The following ARID1B variants were observed in gnomAD, a reference collection of about 807,000 sequenced individuals.
ARID1B encodes the protein AT-rich interaction domain 1B, also known as AT-rich interactive domain-containing protein 1B.
ARID1B carries 30 observed loss-of-function variants against 212.3 expected under a neutral mutation model. The observed-to-expected ratio is 0.14, with a 90% confidence interval of 0.11 to 0.19. The LOEUF is 0.19. ARID1B is among the 10% of genes least tolerant of loss of function. ARID1B has a pLI of 1.00. For missense variants in ARID1B, 2,891 were observed against 3,204.0 expected (o/e 0.90, Z 2.36); for synonymous variants, 1,402 against 1,301.7 (o/e 1.08, Z -1.66).
chr6:156,900,623 T>C (rs1433965112), intron 2 of ARID1B, among the ~76,000 whole-genome samples: 1 of 152,212 alleles, frequency 6.6e-6, no homozygotes, highest in Non-Finnish European at 1.5e-5. Flanking sequence ...AGGCAATAGA[T>C]TTCTCATTAA....
intron 2 of ARID1B, among the ~76,000 whole-genome samples, chr6:156,855,676 A>G (rs1784865523): frequency 6.6e-6 from 1 of 152,242 alleles, no homozygotes; most frequent in Admixed American, 6.5e-5. Context: ...AAAGCAGTTC[A>G]TCATTTTGAA....
chr6:157,062,204 GTT>G (rs569892709), intron 4 of ARID1B, among the ~76,000 whole-genome samples: 4 of 143,352 alleles, frequency 2.8e-5, no homozygotes, highest in Non-Finnish European at 1.5e-5. Flanking sequence ...TTGTTTTGTT[GTT>G]TTTTTTTTTT....
intron 5 of ARID1B, among the ~76,000 whole-genome samples, chr6:157,095,369 G>A (rs1210370295): frequency 1.3e-5 from 2 of 152,250 alleles, no homozygotes; most frequent in Non-Finnish European, 2.9e-5. Flanking sequence ...AGCTCTCCAG[G>A]TGGTTATTAT....
At chr6:157,176,179 T>C (rs1190379793) in intron 11 of ARID1B, among the ~76,000 whole-genome samples, 2 of 151,436 alleles carry the variant, frequency 1.3e-5, no homozygotes, top group African/African-American at 4.9e-5. Context: ...ATATTCGCTC[T>C]TACCTTCTCT....
At chr6:157,147,640 C>T (rs1583402297) in intron 7 of ARID1B, among the ~76,000 whole-genome samples, 1 of 124,224 alleles carries the variant, frequency 8.0e-6, no homozygotes, top group Non-Finnish European at 1.6e-5. Flanking sequence ...GTCCCCCACC[C>T]CAGCCTCCGA....
intron 5 of ARID1B, among the ~76,000 whole-genome samples, chr6:157,101,978 C>T (rs1360988699): frequency 6.6e-6 from 1 of 152,138 alleles, no homozygotes; most frequent in Non-Finnish European, 1.5e-5. Context: ...ATGGCCACTA[C>T]AACTTTTGAA....
intron 4 of ARID1B, among the ~76,000 whole-genome samples, chr6:156,974,527 G>A (rs1474575868): frequency 1.3e-5 from 2 of 152,080 alleles, no homozygotes; most frequent in Admixed American, 6.6e-5. Context: ...AAAACATAAC[G>A]CAGAACCAAA....
chr6:156,892,071 T>C lies in ARID1B; in HGVS notation c.1987-9305T>C, dbSNP rs1787985151. 2.1e-5 allele frequency among the ~76,000 whole-genome samples: 3 copies of C among 143,506 alleles called. No homozygotes were observed. The Admixed American group carries it at 2.1e-4, about 10-fold the overall frequency. The allele number at this position is 143,506 out of a possible 152,430, so 94.1% of individuals were successfully genotyped here. A position where few individuals can be genotyped will look rare whatever the true frequency, so the allele number is the denominator to read the frequency against. On this transcript the variant is annotated intron_variant, in intron 2 of 19. Coordinates refer to ENST00000636930, the MANE Select transcript of ARID1B (RefSeq NM_001374828.1). ...TTTTTTTTTTTTTTCTTTTTTTTTTTGTATTTTTAGTAGTGACGGGGTTTC... is the reference window on the plus strand; with the variant it reads ...TTTTTTTTTTTTTTCTTTTTTTTTTCGTATTTTTAGTAGTGACGGGGTTTC...
At chr6:157,109,421 A>ATG (rs1303812465) in intron 5 of ARID1B, among the ~76,000 whole-genome samples, 2 of 151,854 alleles carry the variant, frequency 1.3e-5, no homozygotes, top group Non-Finnish European at 2.9e-5. Context: ...AATGTTCTTT[A>ATG]TGTGTGTGTG....
chr6:156,812,988 ATACG>A (rs1781681310), intron 1 of ARID1B, among the ~76,000 whole-genome samples: 1 of 148,076 alleles, frequency 6.8e-6, no homozygotes, highest in African/African-American at 2.5e-5. Flanking sequence ...ATGTATATAC[ATACG>A]TATGTATATA....
At chr6:157,134,342 C>T (rs1384302963) in intron 7 of ARID1B, among the ~76,000 whole-genome samples, 4 of 152,216 alleles carry the variant, frequency 2.6e-5, no homozygotes, top group Non-Finnish European at 4.4e-5. Context: ...TAAACAGTTT[C>T]AGTGCTACCA....
chr6:156,990,340 T>G (rs1449647836), intron 4 of ARID1B, among the ~76,000 whole-genome samples: 1 of 151,964 alleles, frequency 6.6e-6, no homozygotes, highest in African/African-American at 2.4e-5. Flanking sequence ...ACCGGGCTAA[T>G]TTTTCAAAAC....
At chr6:157,068,690 A>G (rs7751621) in intron 4 of ARID1B, among the ~76,000 whole-genome samples, 35,356 of 152,162 alleles carry the variant, frequency 0.23, 4,433 homozygotes, top group African/African-American at 0.32. Context: ...AGATCATCAT[A>G]TGCTTACATA....
At chr6:156,958,308 C>A (rs1370685739) in intron 4 of ARID1B, among the ~76,000 whole-genome samples, 2 of 152,176 alleles carry the variant, frequency 1.3e-5, no homozygotes, top group African/African-American at 2.4e-5. Flanking sequence ...AAGAAAAACA[C>A]TAGGAATGAG....
Position 156,777,762 on chromosome 6 carries a change from C to T in ARID1B, c.82C>T (p.Pro28Ser), listed in dbSNP as rs1778725845. The change falls in exon 1 of 20, where the codon CCC becomes TCC. Residue 28 changes from proline (P) to serine (S), a missense_variant. Physicochemically the swap from Pro to Ser is moderately conservative, Grantham distance 74. This residue lies in a region of ARID1B where 1,643 missense variants were observed against 1,544.0 expected (regional missense o/e 1.06). Coordinates refer to ENST00000636930, the MANE Select transcript of ARID1B (RefSeq NM_001374828.1). ...GGCAGGCAGCGGCGAACGGCGGGCG[C>T]CCCCCGGGCCGCGGCCGGCGCCCGG... is the stretch of plus-strand genomic sequence containing the variant. ...ARAGSGERRA[P>S]PGPRPAPGAR... The T allele has an allele frequency of 3.1e-6, 2 of 642,488 alleles. No homozygotes were observed. Among genetic ancestry groups the T allele is most frequent in the Non-Finnish European group, 3.8e-6 (2 of 522,040 alleles). The allele number at this position is 642,488 out of a possible 1,614,324, so 39.8% of individuals were successfully genotyped here.
At chr6:157,204,919 C>T (rs940280341) in intron 19 of ARID1B, 1 of 152,136 alleles carries the variant, frequency 6.6e-6, no homozygotes, top group African/African-American at 2.4e-5. Context: ...CTCATTTAAG[C>T]CCTCATTATC....
intron 1 of ARID1B, among the ~76,000 whole-genome samples, chr6:156,820,782 T>G (rs1262872291): frequency 6.6e-6 from 1 of 152,206 alleles, no homozygotes; most frequent in Non-Finnish European, 1.5e-5. Flanking sequence ...TTAGAAAAGA[T>G]GTAGGAATTT....
intron 4 of ARID1B, among the ~76,000 whole-genome samples, chr6:156,966,121 A>G (rs774923842): frequency 2.9e-4 from 44 of 152,176 alleles, no homozygotes; most frequent in Non-Finnish European, 5.1e-4. Context: ...ATGTACTGCT[A>G]ATTTATCATT....
chr6:157,209,916 A>G lies in ARID1B; in HGVS notation c.*2025A>G, dbSNP rs865938142. 4.7e-5 allele frequency: 11 copies of G among 233,086 alleles called. No homozygotes were observed. The highest frequency in any genetic ancestry group is 1.1e-4 in the Admixed American group (2 of 17,786). The allele number at this position is 233,086 out of a possible 1,614,324, so 14.4% of individuals were successfully genotyped here. A position where few individuals can be genotyped will look rare whatever the true frequency, so the allele number is the denominator to read the frequency against. On this transcript the variant is annotated 3_prime_UTR_variant, in exon 20 of 20. Transcript: ENST00000636930. The stretch of plus-strand genomic sequence containing the variant: ...ATTTCTTTGAAACTGCTGCATAATT[A>G]TGCTGTTAGTGGACCTCTACCTCTT...
Sources: gnomAD v4.1 joint callset for allele counts (sites outside exome capture counted in the v4.1 genomes callset) on GRCh38, gnomAD v4.1.1 for gene constraint, gnomAD v4.1.1 regional missense constraint, MANE v1.5 for transcripts, NCBI Gene and HGNC (gene_info 2026-07-23, HGNC 2026-07-21) for gene names.